Variants in MPHOSPH9 observed in about 807,000 individuals in gnomAD.
The protein encoded by MPHOSPH9 is M-phase phosphoprotein 9.
Under a neutral mutation model 145.5 loss-of-function variants are expected in MPHOSPH9, and 88 were observed. That is an observed-to-expected ratio of 0.60 (90% CI 0.51 to 0.72). MPHOSPH9 has a LOEUF of 0.72. Among genes scored for constraint, MPHOSPH9 ranks in the 30% least tolerant of loss-of-function variants. MPHOSPH9 has a pLI of 0.00. For synonymous variants in MPHOSPH9, 435 were observed against 486.2 expected (o/e 0.89, Z 1.39); for missense variants, 1,238 against 1,386.6 (o/e 0.89, Z 1.70).
chr12:123,205,420 C>T (rs746997660), intron 8 of MPHOSPH9, among the ~76,000 whole-genome samples: 3 of 152,112 alleles, frequency 2.0e-5, no homozygotes, highest in Admixed American at 6.6e-5. Flanking sequence ...GTGGTGCGTG[C>T]CTGTAATCCC....
chr12:123,164,966 G>A (rs1466033121), intron 18 of MPHOSPH9, among the ~76,000 whole-genome samples: 3 of 131,248 alleles, frequency 2.3e-5, no homozygotes, highest in Non-Finnish European at 3.1e-5. Flanking sequence ...CTGAGATTAC[G>A]CACTGCACTC....
chr12:123,162,219 C>A lies in MPHOSPH9; in HGVS notation c.3030-1G>T. 1 of 1,467,200 alleles carries A rather than the reference C, an allele frequency of 6.8e-7. No individual in the cohort carries two copies. Among genetic ancestry groups the A allele is most frequent in the Non-Finnish European group, 9.2e-7 (1 of 1,089,912 alleles). 90.9% of individuals were successfully genotyped at this position (1,467,200 alleles called of 1,614,324 possible). ...TAAATCATCCAAAAGTATATCAAAT[C>A]TATTGAATGAAGCAAGTTACTTGTG... On this transcript the variant is annotated splice_acceptor_variant, in intron 20 of 23. Coordinates refer to ENST00000606320, the MANE Select transcript of MPHOSPH9 (RefSeq NM_022782.4). LOFTEE classifies it high-confidence loss of function.
At chr12:123,181,988 T>C (rs1209302919) in intron 13 of MPHOSPH9, among the ~76,000 whole-genome samples, 1 of 152,086 alleles carries the variant, frequency 6.6e-6, no homozygotes, top group Non-Finnish European at 1.5e-5. Flanking sequence ...GGAGTCGCTC[T>C]GTCGCCAGGC....
chr12:123,243,166 G>A (rs2047969890), intron 1 of MPHOSPH9, among the ~76,000 whole-genome samples: 1 of 151,900 alleles, frequency 6.6e-6, no homozygotes, highest in African/African-American at 2.4e-5. Flanking sequence ...ACTTTCCTTG[G>A]CACACTCCAT....
intron 16 of MPHOSPH9, among the ~76,000 whole-genome samples, chr12:123,174,926 C>T (rs1286077086): frequency 6.6e-6 from 1 of 152,108 alleles, no homozygotes; most frequent in Non-Finnish European, 1.5e-5. Context: ...TCCTATAGAT[C>T]CTACCTCTAG....
Position 123,230,396 on chromosome 12 carries a change from G to T in MPHOSPH9, c.-32C>A. ...CAGAAATTGTTATATTCTCTTATTG[G>T]AAAATAAAGGTTCTTGGGCTGTTTG... On this transcript the variant is annotated 5_prime_UTR_variant, in exon 2 of 24. Coordinates refer to ENST00000606320, the MANE Select transcript of MPHOSPH9 (RefSeq NM_022782.4). 7.5e-7 allele frequency: 1 copy of T among 1,331,716 alleles called. No homozygotes were observed. Among genetic ancestry groups the T allele is most frequent in the Non-Finnish European group, 1.0e-6 (1 of 977,424 alleles). The allele number at this position is 1,331,716 out of a possible 1,614,324, so 82.5% of individuals were successfully genotyped here.
chr12:123,219,422 C>A (rs562776121), intron 5 of MPHOSPH9, among the ~76,000 whole-genome samples: 2 of 151,278 alleles, frequency 1.3e-5, no homozygotes, highest in South Asian at 4.2e-4. Flanking sequence ...CATGGTGAAA[C>A]CCCGTCTCTA....
At position 123,162,218 on chromosome 12, in the gene MPHOSPH9, T is replaced by C; in HGVS notation, c.3030A>G (p.Arg1010=). The C allele has an allele frequency of 6.8e-7, 1 of 1,472,158 alleles. No homozygotes were observed. The highest frequency in any genetic ancestry group is 9.1e-7 in the Non-Finnish European group (1 of 1,093,100). The allele number at this position is 1,472,158 out of a possible 1,614,324, so 91.2% of individuals were successfully genotyped here. A position where few individuals can be genotyped will look rare whatever the true frequency, so the allele number is the denominator to read the frequency against. ...CTAAATCATCCAAAAGTATATCAAATCTATTGAATGAAGCAAGTTACTTGT... is the reference window on the plus strand; with the variant it reads ...CTAAATCATCCAAAAGTATATCAAACCTATTGAATGAAGCAAGTTACTTGT... ...LLSKNESSPI[R]FDILLDDLDT... Residue 1010 remains arginine (R), a splice_region_variant and synonymous_variant, in exon 21 of 24, where the codon CGA becomes CGG. Transcript: ENST00000606320.
At chr12:123,168,313 C>T (rs1439829326) in intron 16 of MPHOSPH9, among the ~76,000 whole-genome samples, 3 of 152,138 alleles carry the variant, frequency 2.0e-5, no homozygotes, top group Non-Finnish European at 4.4e-5. Flanking sequence ...ACACCCCAAA[C>T]CGCCTGACCG....
Position 123,156,541 on chromosome 12 carries a change from C to A in MPHOSPH9, c.*266G>T. On this transcript the variant is annotated 3_prime_UTR_variant, in exon 24 of 24. Coordinates refer to ENST00000606320, the MANE Select transcript of MPHOSPH9 (RefSeq NM_022782.4). ...AAGCTGCTTCCTCTGTTTATATTTC[C>A]TTATTCTTGATATAAATTGGAGACA... is the stretch of plus-strand genomic sequence containing the variant. 1 of 259,958 alleles carries A rather than the reference C, an allele frequency of 3.8e-6. No homozygotes were observed. Among genetic ancestry groups the A allele is most frequent in the Admixed American group, 4.9e-5 (1 of 20,240 alleles). 16.1% of individuals were successfully genotyped at this position (259,958 alleles called of 1,614,324 possible).
chr12:123,174,044 G>A (rs2044715114), intron 16 of MPHOSPH9, among the ~76,000 whole-genome samples: 2 of 152,150 alleles, frequency 1.3e-5, no homozygotes, highest in Non-Finnish European at 2.9e-5. Context: ...GAGATGAATG[G>A]GAGGCCACCC....
intron 15 of MPHOSPH9, among the ~76,000 whole-genome samples, chr12:123,179,541 C>T (rs184447951): frequency 1.1e-3 from 170 of 152,112 alleles, no homozygotes; most frequent in African/African-American, 3.9e-3. Context: ...TGCCACTGCA[C>T]TCCAGCCTGC....
In MPHOSPH9 at chr12:123,194,516, T is replaced by A; in HGVS notation, c.2111A>T (p.Lys704Ile). 1 of 1,613,440 alleles carries A rather than the reference T, an allele frequency of 6.2e-7. No individual in the cohort carries two copies. Among genetic ancestry groups the A allele is most frequent in the Non-Finnish European group, 8.5e-7 (1 of 1,179,914 alleles). The change falls in exon 13 of 24, where the codon AAA (lysine) becomes ATA (isoleucine). Residue 704 changes from lysine to isoleucine, a missense_variant. Transcript: ENST00000606320. ...ERIEEMRTSS[K>I]EKDNTIIRLK... Reference sequence around the variant, plus strand: ...TCGAATGATGGTATTGTCTTTTTCTTTACTGCTTGTTCTCATTTCTTCAAT... The same window carrying A: ...TCGAATGATGGTATTGTCTTTTTCTATACTGCTTGTTCTCATTTCTTCAAT...
At chr12:123,168,411 G>A (rs1350278122) in intron 16 of MPHOSPH9, among the ~76,000 whole-genome samples, 3 of 148,354 alleles carry the variant, frequency 2.0e-5, no homozygotes, top group Non-Finnish European at 3.0e-5. Context: ...GCGTGATCTC[G>A]GCTCACTGCA....
intron 11 of MPHOSPH9, among the ~76,000 whole-genome samples, chr12:123,199,379 G>T (rs187585049): frequency 1.3e-5 from 2 of 151,884 alleles, no homozygotes; most frequent in African/African-American, 2.4e-5. Flanking sequence ...ATCTTGACTC[G>T]GTGTTTAACA....
intron 23 of MPHOSPH9, among the ~76,000 whole-genome samples, chr12:123,157,837 A>G (rs1381751170): frequency 6.6e-6 from 1 of 152,148 alleles, no homozygotes; most frequent in Non-Finnish European, 1.5e-5. Context: ...CCTGAAATAA[A>G]ACTTAAAATT....
chr12:123,187,481 A>G (rs1006926866), intron 13 of MPHOSPH9, among the ~76,000 whole-genome samples: 1 of 152,182 alleles, frequency 6.6e-6, no homozygotes, highest in Non-Finnish European at 1.5e-5. Flanking sequence ...TGCAATTCCA[A>G]TCGAAAGCAG....
chr12:123,194,624 AT>A (rs370653679), intron 12 of MPHOSPH9, 23 bp from the exon 13 acceptor site: 11,555 of 1,232,726 alleles, frequency 9.4e-3, no homozygotes, highest in Middle Eastern at 0.015. Context: ...GACAAACATA[AT>A]TTTTTTTTTT....
At chr12:123,209,859 C>G (rs1378390731) in intron 8 of MPHOSPH9, among the ~76,000 whole-genome samples, 197 bp downstream of exon 8, 1 of 151,326 alleles carries the variant, frequency 6.6e-6, no homozygotes, top group African/African-American at 2.4e-5. Context: ...GCCTCAGCCT[C>G]CCGAGTAGCT....
Sources: gnomAD v4.1 joint callset for allele counts (sites outside exome capture counted in the v4.1 genomes callset) on GRCh38, gnomAD v4.1.1 for gene constraint, MANE v1.5 for transcripts, NCBI Gene and HGNC (gene_info 2026-07-23, HGNC 2026-07-21) for gene names.